The following CCDC91 variants were observed in gnomAD, a reference collection of about 807,000 sequenced individuals.
CCDC91 encodes the protein coiled-coil domain containing 91, also known as coiled-coil domain-containing protein 91.
A neutral mutation model predicts 63.2 loss-of-function variants in CCDC91; 48 were observed. That is an observed-to-expected ratio of 0.76 (90% confidence interval 0.60 to 0.97). The LOEUF (loss-of-function observed/expected upper bound fraction) is 0.97, where lower values mean the gene tolerates loss of function less well. Ranked by LOEUF, CCDC91 falls within the 50% of genes least tolerant of loss-of-function variation. The pLI, the probability that CCDC91 is intolerant of heterozygous loss-of-function variation, is 0.00. For missense variants in CCDC91, 500 were observed against 494.6 expected, an observed-to-expected ratio of 1.01 and a Z score of -0.10; for synonymous variants, 167 against 165.8, an observed-to-expected ratio of 1.01 and a Z score of -0.06.
At chr12:28,351,335 A>G (rs1943166787) in intron 6 of CCDC91, among the ~76,000 whole-genome samples, 1 of 152,208 alleles carries the variant, frequency 6.6e-6, no homozygotes, top group East Asian at 1.9e-4. Flanking sequence ...AAATAAAGGA[A>G]TCACCAGTTC....
chr12:28,537,728 T>G (rs1269259207), intron 12 of CCDC91, among the ~76,000 whole-genome samples: 2 of 152,182 alleles, frequency 1.3e-5, no homozygotes, highest in Non-Finnish European at 2.9e-5. Context: ...CAAAAATGAC[T>G]GCCAGAGCTC....
intron 1 of CCDC91, among the ~76,000 whole-genome samples, chr12:28,234,288 C>G (rs1944788017): frequency 6.6e-6 from 1 of 152,040 alleles, no homozygotes. Context: ...GTAAATTTTT[C>G]TTAAATCACA....
chr12:28,380,218 A>C (rs1945211769), intron 7 of CCDC91, among the ~76,000 whole-genome samples: 1 of 152,106 alleles, frequency 6.6e-6, no homozygotes, highest in Non-Finnish European at 1.5e-5. Context: ...AGAAATACCT[A>C]ATGTAACTGA....
intron 12 of CCDC91, among the ~76,000 whole-genome samples, chr12:28,491,639 C>T (rs374061914): frequency 9.9e-5 from 15 of 151,646 alleles, no homozygotes; most frequent in African/African-American, 3.1e-4. Context: ...AAAGAGTCTG[C>T]GAGAAGCCAA....
chr12:28,397,588 C>T (rs1190445931), intron 8 of CCDC91, among the ~76,000 whole-genome samples: 1 of 151,896 alleles, frequency 6.6e-6, no homozygotes, highest in East Asian at 1.9e-4. Flanking sequence ...TTTGAGGGGC[C>T]TATGTGTGTA....
chr12:28,467,052 G>C (rs1950580742), intron 11 of CCDC91, among the ~76,000 whole-genome samples: 1 of 152,010 alleles, frequency 6.6e-6, no homozygotes, highest in Non-Finnish European at 1.5e-5. Flanking sequence ...CGGGTACTAA[G>C]ATAGCAAGAA....
intron 6 of CCDC91, among the ~76,000 whole-genome samples, chr12:28,315,453 C>G: frequency 6.6e-6 from 1 of 151,980 alleles, no homozygotes; most frequent in East Asian, 1.9e-4. Flanking sequence ...GGCATGAGCA[C>G]CATACCTGAC....
chr12:28,302,336 A>C (rs1238262075), intron 3 of CCDC91, among the ~76,000 whole-genome samples: 2 of 151,962 alleles, frequency 1.3e-5, no homozygotes, highest in African/African-American at 4.8e-5. Context: ...TTATAACTTC[A>C]ATGACAACTT....
chr12:28,503,704 G>A (rs2141176566), intron 12 of CCDC91, among the ~76,000 whole-genome samples: 1 of 152,282 alleles, frequency 6.6e-6, no homozygotes, highest in South Asian at 2.1e-4. Context: ...AACAATGATA[G>A]ACTGGAATAA....
intron 8 of CCDC91, among the ~76,000 whole-genome samples, chr12:28,393,304 A>G (rs915679911): frequency 6.6e-5 from 10 of 152,038 alleles, no homozygotes; most frequent in African/African-American, 2.4e-4. Context: ...CTTGTCCTTT[A>G]TAGTAGTCAG....
chr12:28,289,586 T>A (rs1949097748), intron 3 of CCDC91, among the ~76,000 whole-genome samples: 1 of 152,054 alleles, frequency 6.6e-6, no homozygotes, highest in African/African-American at 2.4e-5. Flanking sequence ...TTGAGGAGCA[T>A]TTTATGTTTG....
chr12:28,280,243 C>T (rs945074846), intron 3 of CCDC91, among the ~76,000 whole-genome samples: 2 of 152,036 alleles, frequency 1.3e-5, no homozygotes, highest in African/African-American at 4.8e-5. Context: ...TAATCTTATA[C>T]AGTTGAATAA....
intron 1 of CCDC91, among the ~76,000 whole-genome samples, chr12:28,223,450 C>T (rs953188797): frequency 2.6e-5 from 4 of 152,050 alleles, no homozygotes; most frequent in African/African-American, 9.7e-5. Flanking sequence ...ATTTGGCTTC[C>T]TTTTTCTGAG....
At chr12:28,530,923 G>T (rs1592973419) in intron 12 of CCDC91, among the ~76,000 whole-genome samples, 2 of 152,040 alleles carry the variant, frequency 1.3e-5, no homozygotes, top group East Asian at 3.9e-4. Flanking sequence ...TTATAAGAGG[G>T]CTTGAGGCTC....
intron 8 of CCDC91, among the ~76,000 whole-genome samples, chr12:28,399,242 C>A (rs1315174871): frequency 6.6e-6 from 1 of 152,104 alleles, no homozygotes; most frequent in African/African-American, 2.4e-5. Context: ...ACATGTCCTT[C>A]TTCACATGAC....
At chr12:28,241,219 G>A (rs1315411517) in intron 1 of CCDC91, among the ~76,000 whole-genome samples, 1 of 151,930 alleles carries the variant, frequency 6.6e-6, no homozygotes, top group Non-Finnish European at 1.5e-5. Context: ...TCTATCTTTT[G>A]TCTATTGAAA....
intron 8 of CCDC91, among the ~76,000 whole-genome samples, chr12:28,432,137 T>C (rs1440403523): frequency 6.6e-6 from 1 of 152,146 alleles, no homozygotes; most frequent in Non-Finnish European, 1.5e-5. Flanking sequence ...GCAGGTTTGT[T>C]ACATAGGTAA....
chr12:28,521,180 G>A (rs180721106), intron 12 of CCDC91, among the ~76,000 whole-genome samples: 100 of 152,212 alleles, frequency 6.6e-4, no homozygotes, highest in African/African-American at 2.0e-3. Context: ...CCATTTTCAC[G>A]ATATTGATTA....
intron 3 of CCDC91, among the ~76,000 whole-genome samples, chr12:28,262,292 A>G (rs1440266793): frequency 6.6e-6 from 1 of 152,084 alleles, no homozygotes; most frequent in Non-Finnish European, 1.5e-5. Context: ...TGATTAACCA[A>G]GCTTTACCAC....
Sources: gnomAD v4.1 joint callset for allele counts (sites outside exome capture counted in the v4.1 genomes callset) on GRCh38, gnomAD v4.1.1 for gene constraint, MANE v1.5 for transcripts, NCBI Gene and HGNC (gene_info 2026-07-23, HGNC 2026-07-21) for gene names.